Variants in ITPR1 observed in about 807,000 individuals in gnomAD.
ITPR1 encodes the protein inositol 1,4,5-trisphosphate receptor type 1.
Under a neutral mutation model 318.4 loss-of-function variants are expected in ITPR1, and 96 were observed. The observed-to-expected ratio is 0.30, with a 90% confidence interval of 0.26 to 0.36. ITPR1 has a LOEUF of 0.36. Ranked by LOEUF, ITPR1 falls within the 10% of genes least tolerant of loss-of-function variation. ITPR1 has a pLI of 1.00. For synonymous variants in ITPR1, 1,312 were observed against 1,289.9 expected, an observed-to-expected ratio of 1.02 and a Z score of -0.37; for missense variants, 2,440 against 3,460.2, an observed-to-expected ratio of 0.71 and a Z score of 7.40.
intron 4 of ITPR1, among the ~76,000 whole-genome samples, chr3:4,587,557 C>T (rs946917929): frequency 1.3e-5 from 2 of 152,140 alleles, no homozygotes; most frequent in Admixed American, 1.3e-4. Context: ...AGGCATGAGC[C>T]ACCCTGCCCG....
At chr3:4,566,746 T>C (rs1025454738) in intron 4 of ITPR1, among the ~76,000 whole-genome samples, 10 of 152,240 alleles carry the variant, frequency 6.6e-5, no homozygotes, top group Non-Finnish European at 5.9e-5. Flanking sequence ...CATACAACTC[T>C]GGCCTGTAAT....
At chr3:4,615,209 T>C (rs578001387) in intron 4 of ITPR1, among the ~76,000 whole-genome samples, 45 of 152,242 alleles carry the variant, frequency 3.0e-4, no homozygotes, top group African/African-American at 1.1e-3. Context: ...TAATAAGCCC[T>C]GAGTCTTCTG....
intron 44 of ITPR1, chr3:4,749,180 A>G (rs949322275): frequency 6.6e-6 from 1 of 152,246 alleles, no homozygotes; most frequent in African/African-American, 2.4e-5. Context: ...AAGTAAAAAC[A>G]AAAGAACAAA....
intron 26 of ITPR1, among the ~76,000 whole-genome samples, chr3:4,682,737 A>G (rs2094323998): frequency 6.6e-6 from 1 of 152,194 alleles, no homozygotes; most frequent in African/African-American, 2.4e-5. Flanking sequence ...CAGTATTTAT[A>G]AGTCTTCTCT....
chr3:4,623,196 T>C (rs943524082), intron 4 of ITPR1, among the ~76,000 whole-genome samples: 2 of 152,194 alleles, frequency 1.3e-5, no homozygotes, highest in African/African-American at 4.8e-5. Context: ...TATAAAGCAG[T>C]TGAGCATTCT....
chr3:4,746,406 G>C (rs1220183628), intron 44 of ITPR1, among the ~76,000 whole-genome samples: 2 of 152,186 alleles, frequency 1.3e-5, no homozygotes, highest in African/African-American at 4.8e-5. Flanking sequence ...TGCAACTCAT[G>C]CCTGCCAATC....
At chr3:4,690,225 A>G (rs1312172344) in intron 31 of ITPR1, among the ~76,000 whole-genome samples, 2 of 152,230 alleles carry the variant, frequency 1.3e-5, no homozygotes, top group Non-Finnish European at 2.9e-5. Context: ...CAGTGAGCCA[A>G]GATTGCACCA....
intron 4 of ITPR1, among the ~76,000 whole-genome samples, 156 bp from the exon 5 acceptor site, chr3:4,627,607 A>C (rs1260341427): frequency 6.6e-6 from 1 of 152,248 alleles, no homozygotes; most frequent in Non-Finnish European, 1.5e-5. Context: ...AATTAAATTC[A>C]AAAAGAGATT....
At chr3:4,725,702 G>A in intron 41 of ITPR1, 121 bp downstream of exon 41, 1 of 844,514 alleles carries the variant, frequency 1.2e-6, no homozygotes, top group South Asian at 1.4e-5. Flanking sequence ...GATGTAGGAG[G>A]GAGGTCTCTA....
chr3:4,660,495 A>G (rs1027773250), intron 13 of ITPR1, among the ~76,000 whole-genome samples: 1 of 151,244 alleles, frequency 6.6e-6, no homozygotes, highest in Non-Finnish European at 1.5e-5. Context: ...TCCGTCTTTT[A>G]CTTTTAAAAT....
At chr3:4,773,512 G>C (rs537898793) in intron 46 of ITPR1, among the ~76,000 whole-genome samples, 2 of 152,004 alleles carry the variant, frequency 1.3e-5, no homozygotes, top group Non-Finnish European at 2.9e-5. Flanking sequence ...CTATATATTC[G>C]AATGGGAACA....
intron 4 of ITPR1, among the ~76,000 whole-genome samples, chr3:4,585,621 G>C (rs939035353): frequency 6.6e-6 from 1 of 151,962 alleles, no homozygotes; most frequent in African/African-American, 2.4e-5. Flanking sequence ...ATTTTTAGTA[G>C]AGACGGCATT....
intron 37 of ITPR1, 136 bp downstream of exon 37, chr3:4,706,487 T>C (rs146107521): frequency 4.2e-6 from 3 of 711,830 alleles, no homozygotes; most frequent in East Asian, 2.8e-5. Context: ...AATAGTCAAA[T>C]GTTATATATG....
chr3:4,518,970 T>A (rs376427505), intron 3 of ITPR1, among the ~76,000 whole-genome samples: 3 of 152,124 alleles, frequency 2.0e-5, no homozygotes, highest in Admixed American at 6.5e-5. Flanking sequence ...CAGCACAGCT[T>A]TAGTAAGCTG....
chr3:4,673,077 T>C (rs2094119741), intron 20 of ITPR1, 59 bp from the exon 21 acceptor site: 2 of 1,550,946 alleles, frequency 1.3e-6, no homozygotes. Context: ...CAGACGACCC[T>C]TCATTCATCC....
chr3:4,612,359 G>GC (rs1444830132), intron 4 of ITPR1, among the ~76,000 whole-genome samples: 1 of 151,998 alleles, frequency 6.6e-6, no homozygotes, highest in Non-Finnish European at 1.5e-5. Flanking sequence ...GCCGCACCTG[G>GC]CCACTATATC....
At chr3:4,615,212 G>C (rs1402406444) in intron 4 of ITPR1, among the ~76,000 whole-genome samples, 1 of 152,104 alleles carries the variant, frequency 6.6e-6, no homozygotes, top group African/African-American at 2.4e-5. Context: ...TAAGCCCTGA[G>C]TCTTCTGCAG....
intron 4 of ITPR1, among the ~76,000 whole-genome samples, chr3:4,544,278 A>G (rs139192163): frequency 2.0e-5 from 3 of 152,304 alleles, no homozygotes; most frequent in Non-Finnish European, 4.4e-5. Context: ...ACATTGAGGA[A>G]TCCAAGTGAT....
chr3:4,708,569 C>T (rs535165339), intron 37 of ITPR1, among the ~76,000 whole-genome samples: 1 of 152,362 alleles, frequency 6.6e-6, no homozygotes, highest in South Asian at 2.1e-4. Flanking sequence ...GTAGACTCCT[C>T]ACTCCATGAG....
Sources: gnomAD v4.1 joint callset for allele counts (sites outside exome capture counted in the v4.1 genomes callset) on GRCh38, gnomAD v4.1.1 for gene constraint, MANE v1.5 for transcripts, NCBI Gene and HGNC (gene_info 2026-07-23, HGNC 2026-07-21) for gene names.